The following CERKL variants were observed in gnomAD, a reference collection of about 807,000 sequenced individuals.
The protein encoded by CERKL is ceramide kinase-like protein.
CERKL carries 61 observed loss-of-function variants against 63.4 expected under a neutral mutation model. The ratio of observed to expected loss-of-function variants is 0.96; its 90% CI spans 0.78 to 1.19. The LOEUF (loss-of-function observed/expected upper bound fraction) is 1.19, where lower values mean the gene tolerates loss of function less well. Ranked by LOEUF, CERKL falls within the 50% of genes most tolerant of loss-of-function variation. The pLI is 0.00. For missense variants in CERKL, 675 were observed against 655.5 expected, an observed-to-expected ratio of 1.03 and a Z score of -0.33; for synonymous variants, 250 against 230.5, an observed-to-expected ratio of 1.08 and a Z score of -0.77.
At chr2:181,647,288 A>G (rs1302468800) in intron 1 of CERKL, among the ~76,000 whole-genome samples, 1 of 152,230 alleles carries the variant, frequency 6.6e-6, no homozygotes, top group Admixed American at 6.5e-5. Flanking sequence ...GACTTTAGAT[A>G]AAGAACACTG....
chr2:181,576,987 T>C (rs1166974296), intron 2 of CERKL, among the ~76,000 whole-genome samples: 1 of 152,170 alleles, frequency 6.6e-6, no homozygotes, highest in Non-Finnish European at 1.5e-5. Flanking sequence ...GGCATATTCA[T>C]CAGAATTACC....
intron 2 of CERKL, among the ~76,000 whole-genome samples, chr2:181,597,187 C>A (rs559615765): frequency 6.6e-6 from 1 of 152,164 alleles, no homozygotes; most frequent in South Asian, 2.1e-4. Context: ...AGTAGTTTTT[C>A]CTATTCTTTT....
At chr2:181,584,835 TTG>T (rs1488719448) in intron 2 of CERKL, among the ~76,000 whole-genome samples, 1 of 151,946 alleles carries the variant, frequency 6.6e-6, no homozygotes, top group African/African-American at 2.4e-5. Flanking sequence ...GTTTTTGTTT[TTG>T]TTTTTTTCAG....
intron 3 of CERKL, among the ~76,000 whole-genome samples, chr2:181,573,223 T>C (rs1688984364): frequency 6.6e-6 from 1 of 152,208 alleles, no homozygotes; most frequent in South Asian, 2.1e-4. Context: ...TCTATTTTCC[T>C]TGGCACAAAC....
intron 4 of CERKL, among the ~76,000 whole-genome samples, chr2:181,559,208 C>G (rs1255201454): frequency 6.6e-6 from 1 of 152,056 alleles, no homozygotes. Flanking sequence ...GTAGTAATTA[C>G]AAACCTGACC....
At chr2:181,582,475 T>C (rs1574470239) in intron 2 of CERKL, among the ~76,000 whole-genome samples, 1 of 151,562 alleles carries the variant, frequency 6.6e-6, no homozygotes, top group East Asian at 1.9e-4. Flanking sequence ...CTACCTAAAA[T>C]AGCTAGAATA....
intron 1 of CERKL, among the ~76,000 whole-genome samples, chr2:181,651,681 AAGAG>A (rs1359486038): frequency 2.6e-5 from 4 of 152,196 alleles, no homozygotes; most frequent in Non-Finnish European, 5.9e-5. Flanking sequence ...TAAACTGGGC[AAGAG>A]AAAGAAGTAA....
chr2:181,618,491 A>T (rs968643250), intron 1 of CERKL, among the ~76,000 whole-genome samples: 5 of 151,808 alleles, frequency 3.3e-5, no homozygotes, highest in African/African-American at 1.2e-4. Flanking sequence ...ATCTCGGCTC[A>T]CGGCAACCTC....
At chr2:181,549,979 G>A (rs1006782693) in intron 5 of CERKL, among the ~76,000 whole-genome samples, 18 of 151,996 alleles carry the variant, frequency 1.2e-4, no homozygotes, top group Non-Finnish European at 2.5e-4. Context: ...TTTTGATCAC[G>A]AATGTCTATT....
chr2:181,655,880 TCTAAG>T (rs1239997765), intron 1 of CERKL, among the ~76,000 whole-genome samples: 1 of 152,230 alleles, frequency 6.6e-6, no homozygotes, highest in African/African-American at 2.4e-5. Flanking sequence ...ACCGCTCACA[TCTAAG>T]CTAATTCAAC....
intron 1 of CERKL, among the ~76,000 whole-genome samples, chr2:181,655,060 G>C (rs138479717): frequency 6.6e-6 from 1 of 152,248 alleles, no homozygotes; most frequent in Non-Finnish European, 1.5e-5. Flanking sequence ...TGAATACCAG[G>C]TATTAATTAC....
rs1687158874 is a variant in CERKL at position 181,537,061 on chromosome 2, C to T, written c.*1123G>A. Reference sequence around the variant, plus strand: ...GCATTTGAGTAGTGAAATGTAAGCACAAAACCTCCTGAACCCAGAGTGTGT... The same window carrying T: ...GCATTTGAGTAGTGAAATGTAAGCATAAAACCTCCTGAACCCAGAGTGTGT... On this transcript the variant is annotated 3_prime_UTR_variant, in exon 13 of 13. Coordinates refer to ENST00000410087, the MANE Select transcript of CERKL (RefSeq NM_201548.5). 2 of 444,312 alleles carry T rather than the reference C, an allele frequency of 4.5e-6. No homozygotes were observed. Among genetic ancestry groups the T allele is most frequent in the Non-Finnish European group, 9.0e-6 (2 of 221,680 alleles). The allele number at this position is 444,312 out of a possible 1,614,324, so 27.5% of individuals were successfully genotyped here.
Position 181,563,028 on chromosome 2 carries a change from A to G in CERKL, c.677+3030T>C, listed in dbSNP as rs17305807. Among the ~76,000 whole-genome samples the G allele has an allele frequency of 7.2e-3, 1,097 of 152,298 alleles. 4 individuals carry two copies. Among genetic ancestry groups the G allele is most frequent in the Middle Eastern group, 0.024 (7 of 294 alleles). ...CAAATATTAATAGCGAGGAATTCAT[A>G]TATTTACAATTGCATAAAATCTATA... is the stretch of plus-strand genomic sequence containing the variant. On this transcript the variant is annotated intron_variant, in intron 4 of 12. Coordinates refer to ENST00000410087, the MANE Select transcript of CERKL (RefSeq NM_201548.5).
intron 1 of CERKL, among the ~76,000 whole-genome samples, chr2:181,630,435 A>G (rs1334099802): frequency 6.6e-6 from 1 of 152,208 alleles, no homozygotes; most frequent in Non-Finnish European, 1.5e-5. Context: ...CCCCTAAAAT[A>G]TGTTTAAGCC....
intron 2 of CERKL, among the ~76,000 whole-genome samples, chr2:181,582,571 A>G (rs1684568090): frequency 6.7e-6 from 1 of 148,582 alleles, no homozygotes; most frequent in South Asian, 2.1e-4. Context: ...TCGCTCTGTC[A>G]CCCAGGCTGA....
chr2:181,634,803 A>T (rs1687104935), intron 1 of CERKL, among the ~76,000 whole-genome samples: 1 of 152,168 alleles, frequency 6.6e-6, no homozygotes, highest in Non-Finnish European at 1.5e-5. Flanking sequence ...CCCGCTAGTT[A>T]AGCAATAAGT....
rs538928206 is a variant in CERKL, at chr2:181,577,047, G to A, written c.482-3163C>T. Among the ~76,000 whole-genome samples, 12 of 152,224 alleles carry A rather than the reference G, an allele frequency of 7.9e-5. 1 individual carries two copies. The South Asian group carries it at 2.5e-3, about 32-fold the overall frequency. On this transcript the variant is annotated intron_variant, in intron 2 of 12. Coordinates refer to ENST00000410087, the MANE Select transcript of CERKL (RefSeq NM_201548.5). ...TCTGGGCTCCAGCCCCCAGAATTTT[G>A]GGCTTAGTAGTCTGGGGTGTGGTCT... is the stretch of plus-strand genomic sequence containing the variant.
chr2:181,578,365 T>C (rs971647523), intron 2 of CERKL, among the ~76,000 whole-genome samples: 5 of 152,136 alleles, frequency 3.3e-5, no homozygotes, highest in Admixed American at 6.5e-5. Flanking sequence ...AGTGGCATGA[T>C]CTTGGCTCAC....
At chr2:181,616,206 A>ATTTTTTTT (rs35040208) in intron 1 of CERKL, among the ~76,000 whole-genome samples, 40 of 110,056 alleles carry the variant, frequency 3.6e-4, no homozygotes, top group African/African-American at 1.5e-3. Context: ...AAAAATCTAA[A>ATTTTTTTT]TTTTTTTTTT....
Sources: gnomAD v4.1 joint callset for allele counts (sites outside exome capture counted in the v4.1 genomes callset) on GRCh38, gnomAD v4.1.1 for gene constraint, MANE v1.5 for transcripts, NCBI Gene and HGNC (gene_info 2026-07-23, HGNC 2026-07-21) for gene names.